YBX1: variants seen among roughly 807,000 people sequenced by gnomAD.
YBX1 encodes the protein Y-box binding protein 1.
YBX1 carries 3 observed loss-of-function variants against 41.4 expected under a neutral mutation model. The observed-to-expected ratio is 0.07, with a 90% confidence interval of 0.03 to 0.19. The LOEUF is 0.19. Among genes scored for constraint, YBX1 ranks in the 10% least tolerant of loss-of-function variants. The pLI is 1.00. For missense variants in YBX1, 274 were observed against 462.8 expected, an observed-to-expected ratio of 0.59 and a Z score of 3.74; for synonymous variants, 133 against 165.8, an observed-to-expected ratio of 0.80 and a Z score of 1.52.
At position 42,696,341 on chromosome 1, in the gene YBX1, G is replaced by A. The variant is rs908612657; in HGVS notation, c.354+53G>A. The A allele has an allele frequency of 6.3e-7, 1 of 1,576,206 alleles. No individual in the cohort carries two copies. On this transcript the variant is annotated intron_variant, in intron 4 of 7. Coordinates refer to ENST00000321358, the MANE Select transcript of YBX1 (RefSeq NM_004559.5). This position sits in a 1 kb window ranked among gnomAD's most constrained non-coding sequence, Gnocchi z 5.7. ...GACTTCAGTATGGAAATATTTTGGA[G>A]GTCTCATCCATTAGGATGGTGGCTC...
chr1:42,690,237 TTTTTC>T lies in YBX1; in HGVS notation c.231-3243_231-3239del, dbSNP rs901250026. On this transcript the variant is annotated intron_variant, in intron 2 of 7. Transcript: ENST00000321358. ...AAAAAAAATTGAGTACTGTTATTTC[TTTTTC>T]TTTTCTTTTTTTTTTTTTAAGATCT... Among the ~76,000 whole-genome samples the T allele has an allele frequency of 1.0e-4, 15 of 142,890 alleles. No homozygotes were observed. In the South Asian group the frequency reaches 1.3e-3, roughly 13 times the overall value. The allele number at this position is 142,890 out of a possible 152,430, so 93.7% of individuals were successfully genotyped here.
intron 2 of YBX1, among the ~76,000 whole-genome samples, chr1:42,688,483 C>T (rs565833653): frequency 6.6e-6 from 1 of 152,258 alleles, no homozygotes; most frequent in East Asian, 1.9e-4. Context: ...CATAACTGCA[C>T]GACATTCACT....
chr1:42,700,884 C>G lies in YBX1; in HGVS notation c.844C>G (p.Arg282Gly), dbSNP rs1462110527. Residue 282 changes from arginine (R) to glycine (G), a missense_variant, in exon 7 of 8, where the codon CGC becomes GGC. By Grantham distance (125) the Arg-to-Gly change is moderately radical. Coordinates refer to ENST00000321358, the MANE Select transcript of YBX1 (RefSeq NM_004559.5). ...TCAGCAGCCACCTCAACGTCGGTAC[C>G]GCCGCAACTTCAATTACCGACGCAG... ...QGQQPPQRRY[R>G]RNFNYRRRRP... 6.2e-7 allele frequency: 1 copy of G among 1,613,790 alleles called. No individual in the cohort carries two copies. The highest frequency in any genetic ancestry group is 8.5e-7 in the Non-Finnish European group (1 of 1,179,952).
At chr1:42,690,923 C>G (rs1190188640) in intron 2 of YBX1, among the ~76,000 whole-genome samples, 1 of 152,142 alleles carries the variant, frequency 6.6e-6, no homozygotes, top group African/African-American at 2.4e-5. Flanking sequence ...AGGGTCAGTT[C>G]CAGTGTTAAT....
At position 42,702,861 on chromosome 1, in the gene YBX1, G is replaced by A. The variant is rs1650638607; in HGVS notation, c.*912G>A. ...TAAAACCCATGGGAAAGCTGCTTAG[G>A]AACATGGAGGTTGGTGAGCTTGTAA... On this transcript the variant is annotated 3_prime_UTR_variant, in exon 8 of 8. Coordinates refer to ENST00000321358, the MANE Select transcript of YBX1 (RefSeq NM_004559.5). Among the ~76,000 whole-genome samples the A allele has an allele frequency of 6.6e-6, 1 of 152,182 alleles. No individual in the cohort carries two copies.
Position 42,701,083 on chromosome 1 carries a change from C to A in YBX1, c.*31+37C>A, listed in dbSNP as rs577581034. The A allele has an allele frequency of 5.3e-6, 8 of 1,507,194 alleles. No individual in the cohort carries two copies. In the Admixed American group the frequency reaches 5.4e-5, roughly 10 times the overall value. 93.4% of individuals were successfully genotyped at this position (1,507,194 alleles called of 1,614,324 possible). A position where few individuals can be genotyped will look rare whatever the true frequency, so the allele number is the denominator to read the frequency against. ...TGGATGGCCATCCATTTATGGCAGT[C>A]GTGAGTGGTGACCATTTCGTTTTAT... On this transcript the variant is annotated intron_variant, in intron 7 of 7. Transcript: ENST00000321358.
chr1:42,703,441 A>C lies in YBX1; in HGVS notation c.*1492A>C, dbSNP rs1428290782. On this transcript the variant is annotated 3_prime_UTR_variant, in exon 8 of 8. Transcript: ENST00000321358. ...GGAAGTCATCTCCTGCTTGGGACTA[A>C]CTCTTTGCAGAGGACTTGATAAGAG... is the stretch of plus-strand genomic sequence containing the variant. Among the ~76,000 whole-genome samples the C allele has an allele frequency of 5.3e-5, 8 of 151,414 alleles. No homozygotes were observed. Among genetic ancestry groups the C allele is most frequent in the Non-Finnish European group, 8.8e-5 (6 of 67,932 alleles).
At chr1:42,685,312 A>AATTG (rs1650167399) in intron 2 of YBX1, among the ~76,000 whole-genome samples, 1 of 152,210 alleles carries the variant, frequency 6.6e-6, no homozygotes, top group Non-Finnish European at 1.5e-5. Flanking sequence ...CCTCCAGGGC[A>AATTG]AGTTATGAAT....
chr1:42,686,998 A>G (rs1650212185), intron 2 of YBX1, among the ~76,000 whole-genome samples: 1 of 152,214 alleles, frequency 6.6e-6, no homozygotes, highest in Non-Finnish European at 1.5e-5. Context: ...GATTATTTTT[A>G]GCCGTTGAAA....
In YBX1 at chr1:42,689,610, AG is replaced by A. The variant is rs558854566; in HGVS notation, c.231-3874del. Among the ~76,000 whole-genome samples the A allele has an allele frequency of 4.6e-5, 7 of 152,222 alleles. No individual in the cohort carries two copies. The South Asian group carries it at 1.4e-3, about 32-fold the overall frequency. On this transcript the variant is annotated intron_variant, in intron 2 of 7. Coordinates refer to ENST00000321358, the MANE Select transcript of YBX1 (RefSeq NM_004559.5). ...ATAGTTATGTTTTAAAAGGAGTGGGAGGGGGGTCAAACATGGTGAACATGCT... is the reference window on the plus strand; with the variant it reads ...ATAGTTATGTTTTAAAAGGAGTGGGAGGGGGTCAAACATGGTGAACATGCT...
intron 6 of YBX1, among the ~76,000 whole-genome samples, chr1:42,699,087 C>T (rs1650531243): frequency 6.6e-6 from 1 of 152,056 alleles, no homozygotes; most frequent in Non-Finnish European, 1.5e-5. Context: ...CATTTATAGG[C>T]TGAAATGCAA....
chr1:42,695,370 C>G (rs1056647881), intron 3 of YBX1, among the ~76,000 whole-genome samples: 1 of 152,172 alleles, frequency 6.6e-6, no homozygotes, highest in African/African-American at 2.4e-5. Context: ...TAGAAAGTCT[C>G]CTTACTAACT....
At position 42,696,595 on chromosome 1, in the gene YBX1, G is replaced by A. The variant is rs1570422648; in HGVS notation, c.355-47G>A. ...TGATTTCCTTTTGAAAGTGTTGAAA[G>A]TGTTCTGATTTCCTTTGTCACTATC... is the stretch of plus-strand genomic sequence containing the variant. On this transcript the variant is annotated intron_variant, in intron 4 of 7. Transcript: ENST00000321358. The surrounding 1 kb of genome is among the most constrained non-coding windows in gnomAD (Gnocchi z 5.7). 2.9e-6 allele frequency: 4 copies of A among 1,362,698 alleles called. No homozygotes were observed. The highest frequency in any genetic ancestry group is 3.8e-6 in the Non-Finnish European group (4 of 1,041,428). 84.4% of individuals were successfully genotyped at this position (1,362,698 alleles called of 1,614,324 possible). A position where few individuals can be genotyped will look rare whatever the true frequency, so the allele number is the denominator to read the frequency against.
At chr1:42,700,372 G>A (rs1650564769) in intron 6 of YBX1, among the ~76,000 whole-genome samples, 1 of 152,096 alleles carries the variant, frequency 6.6e-6, no homozygotes, top group Non-Finnish European at 1.5e-5. Context: ...GGGAGGCCAA[G>A]GAGGGAGGAT....
intron 6 of YBX1, 57 bp downstream of exon 6, chr1:42,697,319 C>CTACGTGTTTCAATGTTT: frequency 1.3e-6 from 2 of 1,534,992 alleles, no homozygotes; most frequent in Non-Finnish European, 1.8e-6. Flanking sequence ...TGTTAGGACT[C>CTACGTGTTTCAATGTTT]AGCAATATCA....
At chr1:42,687,593 AT>A (rs199542502) in intron 2 of YBX1, among the ~76,000 whole-genome samples, 2 of 150,838 alleles carry the variant, frequency 1.3e-5, no homozygotes, top group Non-Finnish European at 3.0e-5. Context: ...CTAAAGGGTG[AT>A]TTTTTTTTCT....
At chr1:42,684,364 A>G (rs1354742253) in intron 2 of YBX1, among the ~76,000 whole-genome samples, 1 of 152,264 alleles carries the variant, frequency 6.6e-6, no homozygotes, top group Non-Finnish European at 1.5e-5. Flanking sequence ...ACATGGGTGC[A>G]GAGCACTGGG....
Position 42,699,259 on chromosome 1 carries a change from G to A in YBX1, c.741-1522G>A, listed in dbSNP as rs144529143. 7.9e-5 allele frequency among the ~76,000 whole-genome samples: 12 copies of A among 152,316 alleles called. No homozygotes were observed. The East Asian group carries it at 2.3e-3, about 29-fold the overall frequency. The stretch of plus-strand genomic sequence containing the variant: ...TACATGGGCACGCATGTGTTAATGG[G>A]AAGACATGGAAGCCTTTGGTTGCTA... On this transcript the variant is annotated intron_variant, in intron 6 of 7. Coordinates refer to ENST00000321358, the MANE Select transcript of YBX1 (RefSeq NM_004559.5).
chr1:42,683,623 C>T (rs1650118768), intron 2 of YBX1, among the ~76,000 whole-genome samples, 157 bp downstream of exon 2: 1 of 152,048 alleles, frequency 6.6e-6, no homozygotes, highest in Non-Finnish European at 1.5e-5. Flanking sequence ...TTGTTGTTTT[C>T]CTTGATTAGG....
Sources: allele counts gnomAD v4.1 joint callset (sites outside exome capture counted in the v4.1 genomes callset), GRCh38; gene constraint gnomAD v4.1.1; non-coding constraint Gnocchi (gnomAD v3.1); transcripts MANE v1.5; gene names NCBI Gene and HGNC (gene_info 2026-07-23, HGNC 2026-07-21).